The following PRDM7 variants were observed in gnomAD, a reference collection of about 807,000 sequenced individuals.
The protein encoded by PRDM7 is histone-lysine N-methyltransferase PRDM7.
In PRDM7, 52 loss-of-function variants were observed where a neutral mutation model predicts 64.3. That is an observed-to-expected ratio of 0.81 (90% CI 0.65 to 1.02). PRDM7 has a LOEUF of 1.02. Ranked by LOEUF, PRDM7 falls within the 50% of genes least tolerant of loss-of-function variation. The pLI is 0.00. For synonymous variants in PRDM7, 192 were observed against 210.1 expected (o/e 0.91, Z 0.74); for missense variants, 574 against 597.1 (o/e 0.96, Z 0.40).
chr16:90,066,904 G>A lies in PRDM7; in HGVS notation c.308C>T (p.Pro103Leu), dbSNP rs1597688501. ...EEWTPRQQVK[P>L]PWMAFRGEQS... ...TTCTCCTCTGAAGGCCATCCAAGGAGGTTTGACTAAGAGGTGATGAGAAAT... is the reference window on the plus strand; with the variant it reads ...TTCTCCTCTGAAGGCCATCCAAGGAAGTTTGACTAAGAGGTGATGAGAAAT... The change falls in exon 5 of 11, where the codon CCT becomes CTT. Residue 103 changes from proline to leucine, a missense_variant. Physicochemically the swap from Pro to Leu is moderately conservative, Grantham distance 98. Transcript: ENST00000449207. 1 of 1,596,456 alleles carries A rather than the reference G, an allele frequency of 6.3e-7. No individual in the cohort carries two copies.
chr16:90,057,729 G>C lies in PRDM7; in HGVS notation c.*560C>G. The C allele has an allele frequency of 8.0e-7, 1 of 1,248,804 alleles. No individual in the cohort carries two copies. Among genetic ancestry groups the C allele is most frequent in the South Asian group, 1.4e-5 (1 of 69,448 alleles). 77.4% of individuals were successfully genotyped at this position (1,248,804 alleles called of 1,614,324 possible). A position where few individuals can be genotyped will look rare whatever the true frequency, so the allele number is the denominator to read the frequency against. The stretch of plus-strand genomic sequence containing the variant: ...CTCTTTACACTCTCGGGGAATGTAA[G>C]GGGTTAGCAGACTTTCGCTGAAGCC... On this transcript the variant is annotated 3_prime_UTR_variant, in exon 11 of 11. Coordinates refer to ENST00000449207, the MANE Select transcript of PRDM7 (RefSeq NM_001098173.2).
rs180959713 is a variant in PRDM7, at chr16:90,074,092, T to A, written c.301+824A>T. Reference sequence around the variant, plus strand: ...TGAGCCACCATGCCTGGCCAGGAGGTCACTTCTAAATCTTACTGGGGGCTA... The same window carrying A: ...TGAGCCACCATGCCTGGCCAGGAGGACACTTCTAAATCTTACTGGGGGCTA... On this transcript the variant is annotated intron_variant, in intron 4 of 10. Transcript: ENST00000449207. 4.1e-3 allele frequency among the ~76,000 whole-genome samples: 619 copies of A among 151,064 alleles called. 1 individual carries two copies. The highest frequency in any genetic ancestry group is 9.0e-3 in the South Asian group (42 of 4,648).
At chr16:90,069,798 A>G (rs2037930255) in intron 4 of PRDM7, among the ~76,000 whole-genome samples, 2 of 151,176 alleles carry the variant, frequency 1.3e-5, no homozygotes, top group African/African-American at 4.9e-5. Flanking sequence ...TCATGGGTGT[A>G]ATCCCAGCAC....
chr16:90,062,526 G>A, intron 6 of PRDM7, 24 bp from the exon 7 acceptor site: 1 of 1,572,504 alleles, frequency 6.4e-7, no homozygotes, highest in Non-Finnish European at 8.8e-7. Flanking sequence ...GAGTAGATGG[G>A]TAAAATTGGG....
Position 90,062,093 on chromosome 16 carries a change from C to T in PRDM7, c.710G>A (p.Arg237His), listed in dbSNP as rs150950711. 1.8e-5 allele frequency: 29 copies of T among 1,614,078 alleles called. No individual in the cohort carries two copies. In the East Asian group the frequency reaches 3.1e-4, roughly 17 times the overall value. The change falls in exon 8 of 11, where the codon CGT (arginine) becomes CAT (histidine). Residue 237 changes from arginine (R) to histidine (H), a missense_variant. Physicochemically the swap from Arg to His is conservative, Grantham distance 29. Transcript: ENST00000449207. ...CCCCGGGGGCAGACTGAGGGCTGAA[C>T]GGTTGGGATGCCCCTTGTCCACTGC... ...DSAVDKGHPNRSALSLPPGLR... is the reference protein window; with the variant it reads ...DSAVDKGHPNHSALSLPPGLR...
At position 90,075,960 on chromosome 16, in the gene PRDM7, G is replaced by A; in HGVS notation, c.-50C>T. 2 of 1,588,538 alleles carry A rather than the reference G, an allele frequency of 1.3e-6. No homozygotes were observed. The highest frequency in any genetic ancestry group is 1.7e-6 in the Non-Finnish European group (2 of 1,163,470). On this transcript the variant is annotated 5_prime_UTR_variant, in exon 2 of 11. Transcript: ENST00000449207. This position sits in a 1 kb window ranked among gnomAD's most constrained non-coding sequence, Gnocchi z 4.3. ...CTGCTCCAATTCTGAGTGTGGGAAG[G>A]GCCCCTGAGTCTCCCAGCTCCTAGG...
intron 4 of PRDM7, among the ~76,000 whole-genome samples, chr16:90,069,350 A>G (rs1000043404): frequency 6.6e-6 from 1 of 151,428 alleles, no homozygotes; most frequent in African/African-American, 2.5e-5. Context: ...TCATATAAAA[A>G]TTAACTCAAA....
At chr16:90,064,554 C>T (rs868824392) in intron 5 of PRDM7, among the ~76,000 whole-genome samples, 50 of 151,962 alleles carry the variant, frequency 3.3e-4, no homozygotes, top group Middle Eastern at 3.4e-3. Context: ...GCTAGGATTA[C>T]AGGCACGTGC....
intron 4 of PRDM7, among the ~76,000 whole-genome samples, chr16:90,067,672 G>A (rs566821060): frequency 1.3e-3 from 189 of 145,584 alleles, no homozygotes; most frequent in Admixed American, 2.4e-3. Flanking sequence ...CTCACTGCAA[G>A]CTCTGCCTCC....
Position 90,075,333 on chromosome 16 carries a change from C to G in PRDM7, c.193+18G>C, listed in dbSNP as rs776579204. 2 of 1,614,062 alleles carry G rather than the reference C, an allele frequency of 1.2e-6. No homozygotes were observed. The highest frequency in any genetic ancestry group is 8.5e-7 in the Non-Finnish European group (1 of 1,180,020). On this transcript the variant is annotated intron_variant, in intron 3 of 10. Coordinates refer to ENST00000449207, the MANE Select transcript of PRDM7 (RefSeq NM_001098173.2). This position sits in a 1 kb window ranked among gnomAD's most constrained non-coding sequence, Gnocchi z 4.3. ...TTTATATCGCCCAGGCTGGTCTGTG[C>G]CCAGCACTTCCTGTTACCTACAGTA...
chr16:90,057,759 C>A lies in PRDM7; in HGVS notation c.*530G>T, dbSNP rs1343361073. On this transcript the variant is annotated 3_prime_UTR_variant, in exon 11 of 11. Coordinates refer to ENST00000449207, the MANE Select transcript of PRDM7 (RefSeq NM_001098173.2). ...TAGCAGACTTTCGCTGAAGCCACCT[C>A]AGAGCTGGGGTGTGCAAGTGTGTGG... The A allele has an allele frequency of 1.5e-6, 2 of 1,296,140 alleles. No individual in the cohort carries two copies. Among genetic ancestry groups the A allele is most frequent in the Admixed American group, 2.6e-5 (1 of 38,914 alleles). The allele number at this position is 1,296,140 out of a possible 1,614,324, so 80.3% of individuals were successfully genotyped here. A position where few individuals can be genotyped will look rare whatever the true frequency, so the allele number is the denominator to read the frequency against.
At chr16:90,073,000 T>C (rs2037983641) in intron 4 of PRDM7, among the ~76,000 whole-genome samples, 1 of 152,196 alleles carries the variant, frequency 6.6e-6, no homozygotes, top group Admixed American at 6.5e-5. Context: ...TTTTTACTTC[T>C]AAACTCTCCT....
rs373974211 is a variant in PRDM7 at position 90,060,556 on chromosome 16, A to C, written c.1018T>G (p.Phe340Val). The C allele has an allele frequency of 1.2e-6, 2 of 1,613,990 alleles. No individual in the cohort carries two copies. Among genetic ancestry groups the C allele is most frequent in the African/African-American group, 2.7e-5 (2 of 74,920 alleles). ...LVAFQYHRQIFYRTCRVIRPG... is the reference protein window; with the variant it reads ...LVAFQYHRQIVYRTCRVIRPG... ...CTAATGACTCGGCAGGTTCTATAGA[A>C]GATCTGCCTGTGGTACTGGAAGGCC... Residue 340 changes from phenylalanine (F) to valine (V), a missense_variant, in exon 10 of 11, where the codon TTC becomes GTC. By Grantham distance (50) the Phe-to-Val change is conservative. Transcript: ENST00000449207.
intron 4 of PRDM7, 83 bp downstream of exon 4, chr16:90,074,833 C>T: frequency 7.2e-7 from 1 of 1,391,542 alleles, no homozygotes; most frequent in Non-Finnish European, 1.0e-6. Flanking sequence ...GAGCCAAGAT[C>T]ACGCCATTGC....
In PRDM7 at chr16:90,075,545, C is replaced by T. The variant is rs995667612; in HGVS notation, c.70-71G>A. The T allele has an allele frequency of 2.9e-5, 47 of 1,610,480 alleles. No homozygotes were observed. In the East Asian group the frequency reaches 3.6e-4, roughly 12 times the overall value. On this transcript the variant is annotated intron_variant, in intron 2 of 10. Transcript: ENST00000449207. This position sits in a 1 kb window ranked among gnomAD's most constrained non-coding sequence, Gnocchi z 4.3. ...GAGCTGGTCCTTTTCCTCTACCCTG[C>T]GTGTAGGGCATAGCCTGGGGCCTCT...
Position 90,075,055 on chromosome 16 carries a change from C to T in PRDM7, c.194-32G>A, listed in dbSNP as rs564619442. The stretch of plus-strand genomic sequence containing the variant: ...AGAAGCAAAAAATTTTGCTCTGAAA[C>T]GGAAGAGCTGGGATGAGGAACAAAG... On this transcript the variant is annotated intron_variant, in intron 3 of 10. Transcript: ENST00000449207. The surrounding 1 kb of genome is among the most constrained non-coding windows in gnomAD (Gnocchi z 4.3). 3.1e-5 allele frequency: 50 copies of T among 1,612,230 alleles called. 1 individual carries two copies. Among genetic ancestry groups the T allele is most frequent in the Admixed American group, 1.8e-4 (11 of 59,986 alleles).
At chr16:90,058,563 G>A in intron 10 of PRDM7, 29 bp from the exon 11 acceptor site, 1 of 1,606,120 alleles carries the variant, frequency 6.2e-7, no homozygotes, top group Non-Finnish European at 8.5e-7. Flanking sequence ...GGTCAGGGTA[G>A]ATGTTTTGTT....
rs143690173 is a variant in PRDM7 at position 90,073,394 on chromosome 16, G to T, written c.301+1522C>A. 5.8e-3 allele frequency among the ~76,000 whole-genome samples: 875 copies of T among 151,544 alleles called. 14 individuals carry two copies. Among genetic ancestry groups the T allele is most frequent in the African/African-American group, 0.02 (817 of 41,344 alleles). ...CAATGTTTTCTTTTTTTTAAAAAAA[G>T]AATGACAATTTTTTTTTTTTTTTGA... On this transcript the variant is annotated intron_variant, in intron 4 of 10. Coordinates refer to ENST00000449207, the MANE Select transcript of PRDM7 (RefSeq NM_001098173.2).
At position 90,060,484 on chromosome 16, in the gene PRDM7, C is replaced by G. The variant is rs766908770; in HGVS notation, c.1090G>C (p.Glu364Gln). Residue 364 changes from glutamate to glutamine, a missense_variant, in exon 10 of 11, where the codon GAA becomes CAA. Coordinates refer to ENST00000449207, the MANE Select transcript of PRDM7 (RefSeq NM_001098173.2). ...TCTATAGAAGATCTGATGCCCAGTT[C>G]CTGGCCATACTCATCCCCAGACCAG... ...LVWSGDEYGQ[E>Q]LGIRSSIEPA... The G allele has an allele frequency of 6.2e-7, 1 of 1,613,584 alleles. No homozygotes were observed. The highest frequency in any genetic ancestry group is 1.1e-5 in the South Asian group (1 of 91,036).
Sources: gnomAD v4.1 joint callset for allele counts (sites outside exome capture counted in the v4.1 genomes callset) on GRCh38, gnomAD v4.1.1 for gene constraint, Gnocchi (gnomAD v3.1) non-coding constraint, MANE v1.5 for transcripts, NCBI Gene and HGNC (gene_info 2026-07-23, HGNC 2026-07-21) for gene names.